Variants in SEPTIN9 observed in about 807,000 individuals in gnomAD.
SEPTIN9 encodes the protein septin 9.
In SEPTIN9, 13 loss-of-function variants were observed where a neutral mutation model predicts 56.6. That is an observed-to-expected ratio of 0.23 (90% CI 0.15 to 0.37). The LOEUF is 0.37. Ranked by LOEUF, SEPTIN9 falls within the 10% of genes least tolerant of loss-of-function variation. The pLI is 1.00. For missense variants in SEPTIN9, 650 were observed against 823.1 expected, an observed-to-expected ratio of 0.79 and a Z score of 2.57; for synonymous variants, 332 against 334.1, an observed-to-expected ratio of 0.99 and a Z score of 0.07.
At chr17:77,466,921 G>A (rs1013174571) in intron 3 of SEPTIN9, among the ~76,000 whole-genome samples, 88 of 152,224 alleles carry the variant, frequency 5.8e-4, no homozygotes, top group African/African-American at 2.0e-3. Flanking sequence ...TGCTCAGCTC[G>A]GCCTCTGCAC....
At chr17:77,467,985 G>A (rs2038823653) in intron 3 of SEPTIN9, among the ~76,000 whole-genome samples, 1 of 152,214 alleles carries the variant, frequency 6.6e-6, no homozygotes, top group South Asian at 2.1e-4. Context: ...AGGGACCTAG[G>A]CTGGGCGTGG....
chr17:77,321,116 T>C (rs1364179642), intron 2 of SEPTIN9, among the ~76,000 whole-genome samples: 1 of 152,290 alleles, frequency 6.6e-6, no homozygotes, highest in Middle Eastern at 3.4e-3. Context: ...TAATTAGCAG[T>C]GATGACAGTT....
intron 2 of SEPTIN9, chr17:77,373,708 C>A (rs995351724): frequency 5.1e-5 from 69 of 1,341,636 alleles, no homozygotes; most frequent in Non-Finnish European, 6.4e-5. Flanking sequence ...GAGCGCCGCG[C>A]GCCCCCGGCC....
chr17:77,411,493 C>G (rs987910361), intron 3 of SEPTIN9, among the ~76,000 whole-genome samples: 1 of 151,694 alleles, frequency 6.6e-6, no homozygotes, highest in Admixed American at 6.6e-5. Context: ...CTTTCGCCTT[C>G]CGCTTTCAAG....
At chr17:77,354,924 C>G (rs1038575056) in intron 2 of SEPTIN9, among the ~76,000 whole-genome samples, 1 of 152,056 alleles carries the variant, frequency 6.6e-6, no homozygotes, top group African/African-American at 2.4e-5. Flanking sequence ...AGGAAACAGG[C>G]TCAGAGGCCT....
intron 3 of SEPTIN9, among the ~76,000 whole-genome samples, chr17:77,452,025 G>A (rs2144413268): frequency 6.6e-6 from 1 of 152,336 alleles, no homozygotes; most frequent in East Asian, 1.9e-4. Flanking sequence ...CGTAACCGAA[G>A]CTCCCCGCGG....
In SEPTIN9 at chr17:77,475,133, G is replaced by A. The variant is rs1171170072; in HGVS notation, c.722-7011G>A. On this transcript the variant is annotated intron_variant, in intron 3 of 11. Transcript: ENST00000427177. This position sits in a 1 kb window ranked among gnomAD's most constrained non-coding sequence, Gnocchi z 4.6. ...TGCCGGGGCTTGCCGTGAGCCCTAC[G>A]CTGCTCTGAAGAAAGCCGGGCTGGG... The A allele has an allele frequency of 1.7e-5, 14 of 826,484 alleles. No homozygotes were observed. Among genetic ancestry groups the A allele is most frequent in the Non-Finnish European group, 2.2e-5 (14 of 648,524 alleles). The allele number at this position is 826,484 out of a possible 1,614,324, so 51.2% of individuals were successfully genotyped here.
rs2037256606 is a variant in SEPTIN9 at position 77,434,215 on chromosome 17, A to C, written c.721+31512A>C. On this transcript the variant is annotated intron_variant, in intron 3 of 11. Transcript: ENST00000427177. This position sits in a 1 kb window ranked among gnomAD's most constrained non-coding sequence, Gnocchi z 5.0. ...TGCTGTCTGCGGAAAGTGCCCTAGG[A>C]TACGGTGGCAGGACTGGCTGGGGTT... Among the ~76,000 whole-genome samples the C allele has an allele frequency of 2.0e-5, 3 of 151,994 alleles. No homozygotes were observed. The highest frequency in any genetic ancestry group is 7.3e-5 in the African/African-American group (3 of 41,376).
At chr17:77,428,988 G>C (rs2037020110) in intron 3 of SEPTIN9, 1 of 471,132 alleles carries the variant, frequency 2.1e-6, no homozygotes, top group South Asian at 1.5e-5. Context: ...TATAATAAGT[G>C]GTAAGCCGTC....
intron 2 of SEPTIN9, among the ~76,000 whole-genome samples, chr17:77,390,544 C>T (rs1420370151): frequency 2.0e-5 from 3 of 148,620 alleles, no homozygotes; most frequent in African/African-American, 5.0e-5. Context: ...CTCCGCCTCC[C>T]GGGTTCACGC....
chr17:77,468,709 T>A (rs1259439935), intron 3 of SEPTIN9, among the ~76,000 whole-genome samples: 1 of 152,132 alleles, frequency 6.6e-6, no homozygotes. Context: ...CCAGGTGCAA[T>A]GGAAACCAGT....
chr17:77,306,204 G>GC (rs1245829246), intron 1 of SEPTIN9, among the ~76,000 whole-genome samples: 1 of 152,178 alleles, frequency 6.6e-6, no homozygotes, highest in East Asian at 1.9e-4. Context: ...TTGACCAGCA[G>GC]CCAGCATGGT....
chr17:77,322,055 G>A (rs1199451338), intron 2 of SEPTIN9, among the ~76,000 whole-genome samples: 7 of 152,208 alleles, frequency 4.6e-5, no homozygotes, highest in Non-Finnish European at 1.5e-5. Context: ...CCAGGAGGAC[G>A]TCACTCCACC....
rs1005107677 is a variant in SEPTIN9 at position 77,405,117 on chromosome 17, C to T, written c.721+2414C>T. On this transcript the variant is annotated intron_variant, in intron 3 of 11. Coordinates refer to ENST00000427177, the MANE Select transcript of SEPTIN9 (RefSeq NM_001113491.2). This position sits in a 1 kb window ranked among gnomAD's most constrained non-coding sequence, Gnocchi z 5.8. ...ATGGCTGGTGCTGGATGCACAGGGA[C>T]GTGGTCCTGGCTCTGGGGGACAGGT... is the stretch of plus-strand genomic sequence containing the variant. The T allele has an allele frequency of 1.1e-5, 17 of 1,535,272 alleles. No individual in the cohort carries two copies. The highest frequency in any genetic ancestry group is 1.4e-5 in the African/African-American group (1 of 73,012).
At chr17:77,393,862 A>T (rs373996511) in intron 2 of SEPTIN9, among the ~76,000 whole-genome samples, 14 of 152,312 alleles carry the variant, frequency 9.2e-5, no homozygotes, top group South Asian at 6.2e-4. Context: ...TTAGGATTAC[A>T]GGCATGAGCC....
At chr17:77,376,469 A>G in intron 2 of SEPTIN9, 1 of 907,314 alleles carries the variant, frequency 1.1e-6, no homozygotes, top group Non-Finnish European at 1.3e-6. Flanking sequence ...AGGGTTCCTG[A>G]GGCCAGCGGA....
In SEPTIN9 at chr17:77,479,735, C is replaced by T. The variant is rs192811979; in HGVS notation, c.722-2409C>T. On this transcript the variant is annotated intron_variant, in intron 3 of 11. Coordinates refer to ENST00000427177, the MANE Select transcript of SEPTIN9 (RefSeq NM_001113491.2). ...CGAGAAAGGAGAGTTCAGGGGGCAG[C>T]GCCTCCCCCCAGGTCCTGCTGGGGA... Among the ~76,000 whole-genome samples, 1,278 of 150,534 alleles carry T rather than the reference C, an allele frequency of 8.5e-3. 7 individuals are homozygous for T. The highest frequency in any genetic ancestry group is 0.013 in the South Asian group (63 of 4,682).
chr17:77,447,864 A>G (rs758473299), intron 3 of SEPTIN9, among the ~76,000 whole-genome samples: 17 of 152,180 alleles, frequency 1.1e-4, no homozygotes, highest in African/African-American at 3.1e-4. Flanking sequence ...ACCTCAGGCA[A>G]TGTGCTCGCC....
chr17:77,484,809 T>C (rs1328050568), intron 4 of SEPTIN9, among the ~76,000 whole-genome samples: 1 of 106,352 alleles, frequency 9.4e-6, no homozygotes, highest in African/African-American at 5.0e-5. Context: ...TGGGTGGTGG[T>C]GGTGATTGTG....
Sources: allele counts gnomAD v4.1 joint callset (sites outside exome capture counted in the v4.1 genomes callset), GRCh38; gene constraint gnomAD v4.1.1; non-coding constraint Gnocchi (gnomAD v3.1); transcripts MANE v1.5; gene names NCBI Gene and HGNC (gene_info 2026-07-23, HGNC 2026-07-21).